Variants in GOLPH3L observed in about 807,000 individuals in gnomAD.
GOLPH3L encodes the protein golgi phosphoprotein 3 like, also known as Golgi phosphoprotein 3-like.
In GOLPH3L, 22 loss-of-function variants were observed where a neutral mutation model predicts 30.3. The observed-to-expected ratio is 0.73, with a 90% confidence interval of 0.52 to 1.04. The LOEUF is 1.04. Ranked by LOEUF, GOLPH3L falls within the 50% of genes least tolerant of loss-of-function variation. GOLPH3L has a pLI of 0.00. For synonymous variants in GOLPH3L, 120 were observed against 128.2 expected, an observed-to-expected ratio of 0.94 and a Z score of 0.43; for missense variants, 303 against 345.8, an observed-to-expected ratio of 0.88 and a Z score of 0.98.
chr1:150,691,412 A>T (rs1028322894), intron 2 of GOLPH3L, among the ~76,000 whole-genome samples: 1 of 152,092 alleles, frequency 6.6e-6, no homozygotes, highest in African/African-American at 2.4e-5. Context: ...GCTACTCAGG[A>T]GATTGAGACA....
rs587606486 is a variant in GOLPH3L, at chr1:150,646,420, T to C, written c.*1901A>G. 1 of 152,302 alleles carries C rather than the reference T, an allele frequency of 6.6e-6. No individual in the cohort carries two copies. The highest frequency in any genetic ancestry group is 2.4e-5 in the African/African-American group (1 of 41,558). The allele number at this position is 152,302 out of a possible 1,614,324, so 9.4% of individuals were successfully genotyped here. A position where few individuals can be genotyped will look rare whatever the true frequency, so the allele number is the denominator to read the frequency against. On this transcript the variant is annotated 3_prime_UTR_variant, in exon 5 of 5. Coordinates refer to ENST00000271732, the MANE Select transcript of GOLPH3L (RefSeq NM_018178.6). The stretch of plus-strand genomic sequence containing the variant: ...CTATCTCCCAATCAAGCTATAACTT[T>C]CCACAGGAAAACCTGGTTTCAATTC...
intron 2 of GOLPH3L, among the ~76,000 whole-genome samples, chr1:150,667,583 T>C (rs965555537): frequency 3.4e-5 from 5 of 147,284 alleles, no homozygotes; most frequent in African/African-American, 7.4e-5. Flanking sequence ...AGTCTTTTCT[T>C]TTTTTTTCTT....
intron 2 of GOLPH3L, among the ~76,000 whole-genome samples, chr1:150,677,550 T>C (rs1412792542): frequency 6.6e-6 from 1 of 151,984 alleles, no homozygotes; most frequent in African/African-American, 2.4e-5. Context: ...ACATGTGTAA[T>C]TTTAAAAGTA....
chr1:150,691,208 G>A (rs1242995139), intron 2 of GOLPH3L, among the ~76,000 whole-genome samples: 1 of 151,394 alleles, frequency 6.6e-6, no homozygotes, highest in Admixed American at 6.6e-5. Context: ...AAAAGGCCGG[G>A]AGCAGTAGTT....
intron 2 of GOLPH3L, among the ~76,000 whole-genome samples, chr1:150,675,795 A>G (rs1320942026): frequency 6.6e-6 from 1 of 150,576 alleles, no homozygotes; most frequent in East Asian, 1.9e-4. Context: ...AAAAAAAAAA[A>G]AAAAAAAAAA....
Position 150,667,819 on chromosome 1 carries a change from C to T in GOLPH3L, c.184-4056G>A, listed in dbSNP as rs191661926. On this transcript the variant is annotated intron_variant, in intron 2 of 4. Coordinates refer to ENST00000271732, the MANE Select transcript of GOLPH3L (RefSeq NM_018178.6). ...CCGTGTTAGCTAGGATGGTCTTGAT[C>T]TCCTGACCTCGTGACCCGCCTGCCT... Among the ~76,000 whole-genome samples the T allele has an allele frequency of 7.3e-3, 1,116 of 152,186 alleles. 8 individuals carry two copies. Among genetic ancestry groups the T allele is most frequent in the Admixed American group, 0.013 (204 of 15,278 alleles).
chr1:150,679,808 T>C (rs1429946464), intron 2 of GOLPH3L, among the ~76,000 whole-genome samples: 1 of 151,696 alleles, frequency 6.6e-6, no homozygotes, highest in East Asian at 1.9e-4. Context: ...CCAAAAATAA[T>C]AATAATAATA....
intron 2 of GOLPH3L, among the ~76,000 whole-genome samples, chr1:150,693,741 G>C (rs1571059436): frequency 7.3e-6 from 1 of 136,330 alleles, no homozygotes; most frequent in South Asian, 2.5e-4. Flanking sequence ...AAAGAGAAAA[G>C]CTAAAATTAT....
intron 2 of GOLPH3L, among the ~76,000 whole-genome samples, chr1:150,690,860 T>G (rs1365080491): frequency 6.6e-6 from 1 of 152,224 alleles, no homozygotes; most frequent in Non-Finnish European, 1.5e-5. Flanking sequence ...CTCCTCTCTC[T>G]AACTCCCTTG....
intron 2 of GOLPH3L, among the ~76,000 whole-genome samples, chr1:150,685,754 G>A (rs989268086): frequency 1.3e-5 from 2 of 151,492 alleles, no homozygotes; most frequent in Admixed American, 1.3e-4. Flanking sequence ...AAATCCATAA[G>A]AATCTATTCA....
chr1:150,655,225 C>T (rs934194664), intron 4 of GOLPH3L, among the ~76,000 whole-genome samples: 5 of 152,136 alleles, frequency 3.3e-5, no homozygotes, highest in African/African-American at 4.8e-5. Flanking sequence ...CAGCACTGGC[C>T]GTCTGCGTGG....
At chr1:150,674,558 C>T (rs184515166) in intron 2 of GOLPH3L, among the ~76,000 whole-genome samples, 130 of 152,038 alleles carry the variant, frequency 8.6e-4, no homozygotes, top group Non-Finnish European at 1.4e-3. Context: ...CCACCGCACT[C>T]GGCCTTTTTC....
intron 2 of GOLPH3L, among the ~76,000 whole-genome samples, chr1:150,679,911 C>T (rs1644963108): frequency 6.6e-6 from 1 of 151,920 alleles, no homozygotes; most frequent in South Asian, 2.1e-4. Flanking sequence ...TCGAGACCCG[C>T]CTGGCTAACA....
At chr1:150,651,642 C>CAAAAAAAAAAAAAAAAAAAAAAAAAAACA (rs59940841) in intron 4 of GOLPH3L, among the ~76,000 whole-genome samples, 2 of 60,852 alleles carry the variant, frequency 3.3e-5, no homozygotes, top group Non-Finnish European at 5.9e-5. Context: ...GAGCGAAACT[C>CAAAAAAAAAAAAAAAAAAAAAAAAAAACA]AAAAAAAAAA....
At chr1:150,681,169 T>C (rs1571051477) in intron 2 of GOLPH3L, among the ~76,000 whole-genome samples, 1 of 152,096 alleles carries the variant, frequency 6.6e-6, no homozygotes, top group Admixed American at 6.6e-5. Flanking sequence ...TATAATTAGT[T>C]AATCTAATCC....
At chr1:150,673,201 C>T (rs1650683651) in intron 2 of GOLPH3L, among the ~76,000 whole-genome samples, 1 of 151,920 alleles carries the variant, frequency 6.6e-6, no homozygotes. Flanking sequence ...ACATAGTCTC[C>T]CTCTGTCACC....
At chr1:150,667,831 T>TG (rs1650545182) in intron 2 of GOLPH3L, among the ~76,000 whole-genome samples, 1 of 152,088 alleles carries the variant, frequency 6.6e-6, no homozygotes, top group African/African-American at 2.4e-5. Context: ...CCTGACCTCG[T>TG]GACCCGCCTG....
chr1:150,648,142 G>A lies in GOLPH3L; in HGVS notation c.*179C>T, dbSNP rs1279816203. ...GAGTGGAAGTGTAGGGAGAAATAAG[G>A]TCTGCTTATAATGGTCAAGGTCTAT... On this transcript the variant is annotated 3_prime_UTR_variant, in exon 5 of 5. Coordinates refer to ENST00000271732, the MANE Select transcript of GOLPH3L (RefSeq NM_018178.6). The A allele has an allele frequency of 1.9e-6, 1 of 529,046 alleles. No individual in the cohort carries two copies. The highest frequency in any genetic ancestry group is 1.9e-5 in the African/African-American group (1 of 52,858). 32.8% of individuals were successfully genotyped at this position (529,046 alleles called of 1,614,324 possible).
chr1:150,695,447 A>T (rs918143457), intron 1 of GOLPH3L, among the ~76,000 whole-genome samples: 1 of 151,884 alleles, frequency 6.6e-6, no homozygotes, highest in African/African-American at 2.4e-5. Context: ...AAACCTGCTG[A>T]TTTTTTCTGC....
Sources: gnomAD v4.1 joint callset for allele counts (sites outside exome capture counted in the v4.1 genomes callset) on GRCh38, gnomAD v4.1.1 for gene constraint, MANE v1.5 for transcripts, NCBI Gene and HGNC (gene_info 2026-07-23, HGNC 2026-07-21) for gene names.